The following ANGPT1 variants were observed in gnomAD, a reference collection of about 807,000 sequenced individuals.
ANGPT1 encodes the protein angiopoietin 1, also known as angiopoietin-1.
A neutral mutation model predicts 62.2 loss-of-function variants in ANGPT1; 17 were observed. The observed-to-expected ratio is 0.27, with a 90% CI of 0.19 to 0.41. The LOEUF (loss-of-function observed/expected upper bound fraction) is 0.41, where lower values mean the gene tolerates loss of function less well. Ranked by LOEUF, ANGPT1 falls within the 10% of genes least tolerant of loss-of-function variation. The probability of loss-of-function intolerance (pLI) is 1.00; values close to 1 mark genes in which losing one functional copy is unlikely to be tolerated. For synonymous variants in ANGPT1, 199 were observed against 198.9 expected, an observed-to-expected ratio of 1.00 and a Z score of 0.00; for missense variants, 478 against 594.9, an observed-to-expected ratio of 0.80 and a Z score of 2.04.
At chr8:107,408,378 A>T (rs765992020) in intron 1 of ANGPT1, among the ~76,000 whole-genome samples, 4 of 152,314 alleles carry the variant, frequency 2.6e-5, no homozygotes, top group African/African-American at 9.6e-5. Flanking sequence ...GGAAAATTTT[A>T]TAAGTTTGAA....
chr8:107,286,811 A>G (rs1360344244), intron 6 of ANGPT1, among the ~76,000 whole-genome samples: 5 of 152,118 alleles, frequency 3.3e-5, no homozygotes, highest in Non-Finnish European at 7.4e-5. Context: ...ACACTTTGTA[A>G]AAGTTTCACA....
chr8:107,475,613 C>T (rs1297929697), intron 1 of ANGPT1, among the ~76,000 whole-genome samples: 1 of 152,134 alleles, frequency 6.6e-6, no homozygotes, highest in South Asian at 2.1e-4. Flanking sequence ...ACAGCTTCTG[C>T]ACAGCAAAAG....
At chr8:107,258,756 T>C (rs1181020976) in intron 8 of ANGPT1, among the ~76,000 whole-genome samples, 4 of 152,188 alleles carry the variant, frequency 2.6e-5, no homozygotes, top group African/African-American at 4.8e-5. Flanking sequence ...TGGTTATTCT[T>C]AAGTTAGTTT....
At chr8:107,399,242 CT>C (rs2130325586) in intron 1 of ANGPT1, among the ~76,000 whole-genome samples, 1 of 152,208 alleles carries the variant, frequency 6.6e-6, no homozygotes, top group Non-Finnish European at 1.5e-5. Flanking sequence ...TGACCTATAC[CT>C]TCTCCATCAT....
intron 1 of ANGPT1, among the ~76,000 whole-genome samples, chr8:107,465,829 A>G (rs1812184530): frequency 6.6e-6 from 1 of 152,308 alleles, no homozygotes; most frequent in Non-Finnish European, 1.5e-5. Flanking sequence ...TTCTTCTGCC[A>G]TCACACCACT....
rs192585155 is a variant in ANGPT1 at position 107,308,041 on chromosome 8, T to C, written c.809-4674A>G. Among the ~76,000 whole-genome samples the C allele has an allele frequency of 5.3e-5, 8 of 152,274 alleles. No homozygotes were observed. The East Asian group carries it at 1.5e-3, about 29-fold the overall frequency. ...AATTAGAGTATGGCTTTTCCATTTGTCCCTCTGCTTCTTATCCTCTCTTAG... is the reference window on the plus strand; with the variant it reads ...AATTAGAGTATGGCTTTTCCATTTGCCCCTCTGCTTCTTATCCTCTCTTAG... On this transcript the variant is annotated intron_variant, in intron 4 of 8. Coordinates refer to ENST00000517746, the MANE Select transcript of ANGPT1 (RefSeq NM_001146.5).
intron 1 of ANGPT1, among the ~76,000 whole-genome samples, chr8:107,372,612 C>T (rs973505480): frequency 2.6e-5 from 4 of 151,882 alleles, no homozygotes; most frequent in Admixed American, 1.3e-4. Flanking sequence ...GAAATGATCA[C>T]GGCTGCTGTT....
At chr8:107,439,360 CA>C (rs969575717) in intron 1 of ANGPT1, among the ~76,000 whole-genome samples, 1 of 152,152 alleles carries the variant, frequency 6.6e-6, no homozygotes, top group Admixed American at 6.5e-5. Flanking sequence ...TCTAGAAAGC[CA>C]AAATGAGAAA....
At chr8:107,360,586 C>T (rs867627456) in intron 1 of ANGPT1, among the ~76,000 whole-genome samples, 1 of 152,090 alleles carries the variant, frequency 6.6e-6, no homozygotes, top group Non-Finnish European at 1.5e-5. Flanking sequence ...TGGTTTCAAG[C>T]CTTTAACAAG....
intron 3 of ANGPT1, among the ~76,000 whole-genome samples, chr8:107,324,384 G>A (rs551360740): frequency 1.3e-5 from 2 of 152,060 alleles, no homozygotes; most frequent in South Asian, 4.2e-4. Flanking sequence ...GGAAAATGTT[G>A]AGAGACAGAT....
chr8:107,450,733 T>C (rs1811752794), intron 1 of ANGPT1, among the ~76,000 whole-genome samples: 1 of 119,438 alleles, frequency 8.4e-6, no homozygotes, highest in South Asian at 2.6e-4. Flanking sequence ...TGTGTGTGCA[T>C]GTGTGCATGT....
At chr8:107,317,011 G>T (rs1815029550) in intron 4 of ANGPT1, among the ~76,000 whole-genome samples, 1 of 152,166 alleles carries the variant, frequency 6.6e-6, no homozygotes, top group Non-Finnish European at 1.5e-5. Flanking sequence ...AAGCAAACTA[G>T]AATCATAATA....
chr8:107,367,696 C>A (rs952189436), intron 1 of ANGPT1, among the ~76,000 whole-genome samples: 1 of 152,134 alleles, frequency 6.6e-6, no homozygotes. Flanking sequence ...ATGTAATATT[C>A]TAAATCCTCT....
At chr8:107,495,027 AC>A in intron 1 of ANGPT1, 1 of 152,226 alleles carries the variant, frequency 6.6e-6, no homozygotes, top group Non-Finnish European at 1.5e-5. Flanking sequence ...CCAAATGGTT[AC>A]AGTAAAAAGA....
chr8:107,453,111 G>A (rs1811821438), intron 1 of ANGPT1, among the ~76,000 whole-genome samples: 2 of 151,952 alleles, frequency 1.3e-5, no homozygotes, highest in Admixed American at 1.3e-4. Flanking sequence ...GTATGTTGAG[G>A]AGTGATCATT....
intron 6 of ANGPT1, among the ~76,000 whole-genome samples, chr8:107,286,763 T>C (rs532200608): frequency 1.3e-5 from 2 of 152,152 alleles, no homozygotes; most frequent in African/African-American, 4.8e-5. Context: ...TAGTACTCCA[T>C]TGGCTCTTTA....
intron 5 of ANGPT1, among the ~76,000 whole-genome samples, chr8:107,299,494 C>CAT (rs1814509794): frequency 7.3e-6 from 1 of 136,704 alleles, no homozygotes; most frequent in Non-Finnish European, 1.6e-5. Flanking sequence ...ATATACTAAG[C>CAT]ATATATATGT....
intron 1 of ANGPT1, among the ~76,000 whole-genome samples, chr8:107,480,956 G>GT: frequency 6.6e-6 from 1 of 152,252 alleles, no homozygotes; most frequent in African/African-American, 2.4e-5. Flanking sequence ...CATGGCAATA[G>GT]TTTTTTTGGA....
intron 1 of ANGPT1, among the ~76,000 whole-genome samples, chr8:107,419,913 G>T (rs866404532): frequency 6.6e-6 from 1 of 152,040 alleles, no homozygotes; most frequent in Admixed American, 6.6e-5. Flanking sequence ...CAACCACTAC[G>T]CTAAATGCTT....
Sources: gnomAD v4.1 joint callset for allele counts (sites outside exome capture counted in the v4.1 genomes callset) on GRCh38, gnomAD v4.1.1 for gene constraint, MANE v1.5 for transcripts, NCBI Gene and HGNC (gene_info 2026-07-23, HGNC 2026-07-21) for gene names.